ASAP2: variants seen among roughly 807,000 people sequenced by gnomAD.
ASAP2 encodes the protein arf-GAP with SH3 domain, ANK repeat and PH domain-containing protein 2.
In ASAP2, 45 loss-of-function variants were observed where a neutral mutation model predicts 131.4. The ratio of observed to expected loss-of-function variants is 0.34; its 90% confidence interval spans 0.27 to 0.44. The LOEUF is 0.44. Among genes scored for constraint, ASAP2 ranks in the 20% least tolerant of loss-of-function variants. ASAP2 has a pLI of 1.00. For missense variants in ASAP2, 1,011 were observed against 1,297.0 expected, an observed-to-expected ratio of 0.78 and a Z score of 3.39; for synonymous variants, 510 against 503.0, an observed-to-expected ratio of 1.01 and a Z score of -0.19.
chr2:9,306,744 CCTT>C lies in ASAP2; in HGVS notation c.345+9303_345+9305del, dbSNP rs570052054. 5.4e-3 allele frequency among the ~76,000 whole-genome samples: 815 copies of C among 152,158 alleles called. 6 individuals carry two copies. The highest frequency in any genetic ancestry group is 8.6e-3 in the Non-Finnish European group (585 of 67,972). On this transcript the variant is annotated intron_variant, in intron 3 of 27. Transcript: ENST00000281419. Reference sequence around the variant, plus strand: ...TCAGCATGTGCTTGTTTGCATTCCTCCTTCTTTGGGAACTTTCAGCCGTTTGGT... The same window carrying C: ...TCAGCATGTGCTTGTTTGCATTCCTCCTTTGGGAACTTTCAGCCGTTTGGT...
intron 1 of ASAP2, among the ~76,000 whole-genome samples, chr2:9,254,224 AAAAAAAAAAAAAATAT>A (rs1402761106): frequency 1.3e-5 from 1 of 75,214 alleles, no homozygotes; most frequent in East Asian, 2.2e-4. Context: ...AAAAAAAAAA[AAAAAAAAAAAAAATAT>A]ATATATATAT....
chr2:9,400,131 G>T (rs903024322), intron 25 of ASAP2, 59 bp downstream of exon 25: 34 of 1,481,350 alleles, frequency 2.3e-5, no homozygotes, highest in Non-Finnish European at 3.1e-5. Context: ...GCAATGTGGG[G>T]GATGTTTCCT....
chr2:9,354,747 T>C (rs1431258261), intron 12 of ASAP2, among the ~76,000 whole-genome samples: 1 of 152,202 alleles, frequency 6.6e-6, no homozygotes, highest in Non-Finnish European at 1.5e-5. Flanking sequence ...TATGCTTGTT[T>C]TTTGCAGCTT....
chr2:9,207,915 C>A lies in ASAP2; in HGVS notation c.126+685C>A, dbSNP rs1193093546. ...CCCTTCCCCCTCAACCTGGAAAAGG[C>A]CTGGTTTTAGTAAAGTGCTCTCAAG... On this transcript the variant is annotated intron_variant, in intron 1 of 27. Transcript: ENST00000281419. This position sits in a 1 kb window ranked among gnomAD's most constrained non-coding sequence, Gnocchi z 4.1. Among the ~76,000 whole-genome samples, 1 of 152,200 alleles carries A rather than the reference C, an allele frequency of 6.6e-6. No homozygotes were observed. The highest frequency in any genetic ancestry group is 1.5e-5 in the Non-Finnish European group (1 of 68,032).
At chr2:9,246,779 A>G (rs996541065) in intron 1 of ASAP2, among the ~76,000 whole-genome samples, 17 of 152,284 alleles carry the variant, frequency 1.1e-4, no homozygotes, top group Admixed American at 1.0e-3. Context: ...GGAGAGGCTC[A>G]TTCCTGGGAT....
At chr2:9,266,466 G>A (rs1665958171) in intron 1 of ASAP2, among the ~76,000 whole-genome samples, 1 of 152,140 alleles carries the variant, frequency 6.6e-6, no homozygotes, top group African/African-American at 2.4e-5. Context: ...CTTCTGCAGA[G>A]CTGCCTTACT....
At chr2:9,270,248 T>A (rs1394858410) in intron 1 of ASAP2, among the ~76,000 whole-genome samples, 2 of 151,712 alleles carry the variant, frequency 1.3e-5, no homozygotes, top group Non-Finnish European at 2.9e-5. Flanking sequence ...TTTTTACACA[T>A]AAGTTCCCGT....
chr2:9,389,032 C>G lies in ASAP2; in HGVS notation c.2383+486C>G, dbSNP rs923103533. Among the ~76,000 whole-genome samples the G allele has an allele frequency of 1.3e-5, 2 of 152,244 alleles. No individual in the cohort carries two copies. Among genetic ancestry groups the G allele is most frequent in the Non-Finnish European group, 2.9e-5 (2 of 68,046 alleles). The stretch of plus-strand genomic sequence containing the variant: ...CGATGCTCGGCCTAATTGTAAAATA[C>G]AAAACCAGCCCTGTGGGCCTACCAG... On this transcript the variant is annotated intron_variant, in intron 22 of 27. Coordinates refer to ENST00000281419, the MANE Select transcript of ASAP2 (RefSeq NM_003887.3). This position sits in a 1 kb window ranked among gnomAD's most constrained non-coding sequence, Gnocchi z 4.7.
chr2:9,267,800 A>G (rs1666041505), intron 1 of ASAP2, among the ~76,000 whole-genome samples: 1 of 146,402 alleles, frequency 6.8e-6, no homozygotes, highest in Non-Finnish European at 1.5e-5. Context: ...CAGAAGGCTG[A>G]GGCCTGAGAA....
intron 1 of ASAP2, among the ~76,000 whole-genome samples, chr2:9,252,800 C>T (rs1462153979): frequency 2.0e-5 from 3 of 151,300 alleles, no homozygotes; most frequent in South Asian, 2.1e-4. Flanking sequence ...CCTGTAATCC[C>T]AGCTACTCGG....
intron 12 of ASAP2, among the ~76,000 whole-genome samples, chr2:9,353,395 A>C (rs1321471168): frequency 6.6e-6 from 1 of 152,092 alleles, no homozygotes; most frequent in Non-Finnish European, 1.5e-5. Context: ...CAAGACCTAC[A>C]AAAAATTTAA....
intron 7 of ASAP2, among the ~76,000 whole-genome samples, chr2:9,333,932 G>A (rs1419767708): frequency 6.6e-6 from 1 of 151,480 alleles, no homozygotes; most frequent in African/African-American, 2.4e-5. Context: ...TTGATCTCAA[G>A]TTCTCTACCC....
At chr2:9,213,633 T>G (rs1661768965) in intron 1 of ASAP2, among the ~76,000 whole-genome samples, 1 of 152,062 alleles carries the variant, frequency 6.6e-6, no homozygotes, top group Non-Finnish European at 1.5e-5. Context: ...TGGTGGTAAG[T>G]GGCCTGATTG....
At chr2:9,210,386 G>T (rs1160826736) in intron 1 of ASAP2, among the ~76,000 whole-genome samples, 1 of 151,488 alleles carries the variant, frequency 6.6e-6, no homozygotes, top group African/African-American at 2.4e-5. Flanking sequence ...ATAGTACATA[G>T]CACAGAAGCT....
intron 22 of ASAP2, among the ~76,000 whole-genome samples, chr2:9,390,334 C>T (rs1453315104): frequency 6.6e-6 from 1 of 152,248 alleles, no homozygotes; most frequent in African/African-American, 2.4e-5. Flanking sequence ...AGCTCGAAGG[C>T]TTCCTCTGGA....
intron 12 of ASAP2, among the ~76,000 whole-genome samples, chr2:9,352,097 G>A (rs1243489663): frequency 6.6e-6 from 1 of 152,124 alleles, no homozygotes; most frequent in East Asian, 1.9e-4. Flanking sequence ...GTGTGGTGGT[G>A]TGATCCTGTA....
intron 1 of ASAP2, among the ~76,000 whole-genome samples, chr2:9,257,008 G>A (rs770330979): frequency 7.9e-5 from 12 of 152,196 alleles, no homozygotes; most frequent in Non-Finnish European, 1.6e-4. Context: ...CCTGCTAACA[G>A]CCTGTCACTT....
rs570333771 is a variant in ASAP2 at position 9,303,895 on chromosome 2, C to T, written c.345+6450C>T. 3.3e-5 allele frequency among the ~76,000 whole-genome samples: 5 copies of T among 152,280 alleles called. No individual in the cohort carries two copies. The South Asian group carries it at 1.0e-3, about 32-fold the overall frequency. ...TTGGGCAAAGATAGCATGGTGAGGC[C>T]TTGGGCGTGGGAGGGAGAACTCACA... On this transcript the variant is annotated intron_variant, in intron 3 of 27. Coordinates refer to ENST00000281419, the MANE Select transcript of ASAP2 (RefSeq NM_003887.3).
intron 9 of ASAP2, among the ~76,000 whole-genome samples, chr2:9,336,787 G>A (rs938260901): frequency 1.3e-5 from 2 of 152,212 alleles, no homozygotes; most frequent in Non-Finnish European, 2.9e-5. Context: ...GTAACGAGGA[G>A]GAGGTAGTGC....
Sources: gnomAD v4.1 joint callset for allele counts (sites outside exome capture counted in the v4.1 genomes callset) on GRCh38, gnomAD v4.1.1 for gene constraint, Gnocchi (gnomAD v3.1) non-coding constraint, MANE v1.5 for transcripts, NCBI Gene and HGNC (gene_info 2026-07-23, HGNC 2026-07-21) for gene names.